Variants in PARVA observed in about 807,000 individuals in gnomAD.
PARVA encodes alpha-parvin.
In PARVA, 25 loss-of-function variants were observed where a neutral mutation model predicts 52.6. The ratio of observed to expected loss-of-function variants is 0.48; its 90% CI spans 0.35 to 0.66. The LOEUF (loss-of-function observed/expected upper bound fraction) is 0.66, where lower values mean the gene tolerates loss of function less well. PARVA is among the 30% of genes least tolerant of loss of function. The pLI is 0.01. For synonymous variants in PARVA, 185 were observed against 179.1 expected (o/e 1.03, Z -0.26); for missense variants, 373 against 450.9 (o/e 0.83, Z 1.56).
intron 1 of PARVA, 137 bp from the exon 2 acceptor site, chr11:12,473,608 C>T (rs535996798): frequency 8.9e-6 from 6 of 673,274 alleles, no homozygotes; most frequent in East Asian, 2.7e-5. Flanking sequence ...ATGAATTGAT[C>T]GTAGGCTGAG....
intron 1 of PARVA, among the ~76,000 whole-genome samples, chr11:12,445,927 G>T (rs530644952): frequency 3.4e-4 from 51 of 152,216 alleles, no homozygotes; most frequent in African/African-American, 1.2e-3. Context: ...ATGGTTTAAA[G>T]AGCTAATTTT....
chr11:12,453,671 C>T (rs113352335), intron 1 of PARVA, among the ~76,000 whole-genome samples: 2 of 152,270 alleles, frequency 1.3e-5, no homozygotes, highest in East Asian at 1.9e-4. Flanking sequence ...TCGGCTTCCA[C>T]CCATAGGTTA....
intron 1 of PARVA, among the ~76,000 whole-genome samples, chr11:12,447,336 C>T (rs996409852): frequency 6.6e-6 from 1 of 152,146 alleles, no homozygotes; most frequent in Non-Finnish European, 1.5e-5. Flanking sequence ...AAATACCTTG[C>T]CCTGTGTCCC....
chr11:12,385,447 T>C (rs1939559484), intron 1 of PARVA, among the ~76,000 whole-genome samples: 1 of 152,178 alleles, frequency 6.6e-6, no homozygotes, highest in African/African-American at 2.4e-5. Flanking sequence ...ATTTTTAAAA[T>C]ACAGCAGATC....
At chr11:12,518,576 G>C (rs1941599708) in intron 12 of PARVA, 59 bp downstream of exon 12, 1 of 1,242,504 alleles carries the variant, frequency 8.0e-7, no homozygotes. Flanking sequence ...CTGCACATGA[G>C]TACTCAGATT....
chr11:12,467,038 A>C (rs116544593), intron 1 of PARVA, among the ~76,000 whole-genome samples: 1,653 of 152,278 alleles, frequency 0.011, 47 homozygotes, highest in African/African-American at 0.037. Flanking sequence ...CTTTATTTAG[A>C]TCATCTGGGT....
chr11:12,473,605 G>C (rs567117244), intron 1 of PARVA, 140 bp from the exon 2 acceptor site: 2 of 661,404 alleles, frequency 3.0e-6, no homozygotes, highest in Admixed American at 2.5e-5. Context: ...GCCATGAATT[G>C]ATCGTAGGCT....
intron 3 of PARVA, among the ~76,000 whole-genome samples, chr11:12,475,531 A>G (rs1214913755): frequency 6.6e-6 from 1 of 152,202 alleles, no homozygotes; most frequent in Non-Finnish European, 1.5e-5. Context: ...AGAGGATGGA[A>G]GGAGGAAAGG....
rs1276261763 is a variant in PARVA, at chr11:12,528,345, C to T, written c.*420C>T. The T allele has an allele frequency of 5.9e-6, 1 of 168,490 alleles. No individual in the cohort carries two copies. Among genetic ancestry groups the T allele is most frequent in the Non-Finnish European group, 1.3e-5 (1 of 78,132 alleles). The allele number at this position is 168,490 out of a possible 1,614,324, so 10.4% of individuals were successfully genotyped here. A position where few individuals can be genotyped will look rare whatever the true frequency, so the allele number is the denominator to read the frequency against. On this transcript the variant is annotated 3_prime_UTR_variant, in exon 13 of 13. Coordinates refer to ENST00000334956, the MANE Select transcript of PARVA (RefSeq NM_018222.5). ...TCAAGGCCATTAATCTTCAGGACTC[C>T]CATTGACGTAGGTGTTTCATTCCCC...
At chr11:12,444,312 A>C (rs1376513263) in intron 1 of PARVA, among the ~76,000 whole-genome samples, 2 of 152,212 alleles carry the variant, frequency 1.3e-5, no homozygotes, top group Non-Finnish European at 2.9e-5. Context: ...GACCCAGAAG[A>C]AATGGATAGC....
chr11:12,485,292 T>C (rs1941144067), intron 4 of PARVA, among the ~76,000 whole-genome samples: 1 of 152,112 alleles, frequency 6.6e-6, no homozygotes, highest in Admixed American at 6.5e-5. Context: ...CCATCAGGGT[T>C]GGGTGACTGG....
At chr11:12,407,773 A>G (rs1325051902) in intron 1 of PARVA, among the ~76,000 whole-genome samples, 1 of 152,184 alleles carries the variant, frequency 6.6e-6, no homozygotes, top group Non-Finnish European at 1.5e-5. Flanking sequence ...GAAGGACCTC[A>G]GCATGAGGAC....
chr11:12,385,527 A>G (rs957125560), intron 1 of PARVA, among the ~76,000 whole-genome samples: 1 of 152,160 alleles, frequency 6.6e-6, no homozygotes, highest in East Asian at 1.9e-4. Context: ...CTGGGCAACT[A>G]AAAAGATGAA....
chr11:12,470,408 C>T (rs886195695), intron 1 of PARVA, among the ~76,000 whole-genome samples: 4 of 152,136 alleles, frequency 2.6e-5, no homozygotes, highest in Non-Finnish European at 4.4e-5. Context: ...CCTTGGAGGT[C>T]GGCAATATTG....
intron 1 of PARVA, among the ~76,000 whole-genome samples, chr11:12,426,798 G>C (rs1029301535): frequency 6.6e-6 from 1 of 152,146 alleles, no homozygotes; most frequent in Non-Finnish European, 1.5e-5. Flanking sequence ...GTGGCTGGAG[G>C]AATTGGTCAA....
At chr11:12,438,837 C>T (rs993784544) in intron 1 of PARVA, among the ~76,000 whole-genome samples, 1 of 152,168 alleles carries the variant, frequency 6.6e-6, no homozygotes, top group African/African-American at 2.4e-5. Context: ...TTAAATCCCT[C>T]CTGCCTTGTA....
At chr11:12,489,144 G>A (rs971720684) in intron 4 of PARVA, among the ~76,000 whole-genome samples, 3 of 151,040 alleles carry the variant, frequency 2.0e-5, no homozygotes, top group African/African-American at 7.3e-5. Flanking sequence ...GGGCAATATG[G>A]TGAGACCCCA....
chr11:12,481,253 T>G (rs1233736154), intron 4 of PARVA, among the ~76,000 whole-genome samples: 3 of 152,216 alleles, frequency 2.0e-5, no homozygotes, highest in African/African-American at 7.2e-5. Flanking sequence ...ACTGGAATTC[T>G]AAAAGGAAGA....
intron 1 of PARVA, among the ~76,000 whole-genome samples, chr11:12,459,634 G>A (rs184635785): frequency 6.6e-6 from 1 of 152,090 alleles, no homozygotes; most frequent in East Asian, 1.9e-4. Context: ...TGTACGGTGT[G>A]TACCTTCAAT....
Sources: gnomAD v4.1 joint callset for allele counts (sites outside exome capture counted in the v4.1 genomes callset) on GRCh38, gnomAD v4.1.1 for gene constraint, MANE v1.5 for transcripts, NCBI Gene and HGNC (gene_info 2026-07-23, HGNC 2026-07-21) for gene names.